ATP6V1E2: variants seen among roughly 807,000 people sequenced by gnomAD.
ATP6V1E2 encodes the protein ATPase H+ transporting V1 subunit E2, also known as V-type proton ATPase subunit E 2.
For missense variants in ATP6V1E2, 308 were observed against 273.3 expected (o/e 1.13, Z -0.90); for synonymous variants, 121 against 104.2 (o/e 1.16, Z -0.98).
intron 4 of ATP6V1E2, among the ~76,000 whole-genome samples, chr2:46,528,425 G>A (rs1360898514): frequency 6.6e-6 from 1 of 152,254 alleles, no homozygotes; most frequent in Non-Finnish European, 1.5e-5. Context: ...GGTGGTGGTA[G>A]TGATCTGAGA....
chr2:46,521,988 C>T (rs1666655476), intron 4 of ATP6V1E2, among the ~76,000 whole-genome samples: 1 of 152,168 alleles, frequency 6.6e-6, no homozygotes, highest in Non-Finnish European at 1.5e-5. Context: ...CTGCGCCAGG[C>T]CCTGTCTTTC....
At chr2:46,522,968 T>G (rs777461637) in intron 4 of ATP6V1E2, among the ~76,000 whole-genome samples, 5 of 152,262 alleles carry the variant, frequency 3.3e-5, no homozygotes, top group Non-Finnish European at 7.3e-5. Flanking sequence ...ATTGTGGTTT[T>G]GATTTGCATT....
intron 4 of ATP6V1E2, among the ~76,000 whole-genome samples, chr2:46,533,502 C>T (rs909372091): frequency 1.3e-5 from 2 of 152,052 alleles, no homozygotes; most frequent in African/African-American, 4.8e-5. Flanking sequence ...TTAAACTCTC[C>T]AGCTCAAGCA....
chr2:46,537,697 C>T (rs767379332), intron 2 of ATP6V1E2: 1 of 152,116 alleles, frequency 6.6e-6, no homozygotes, highest in Non-Finnish European at 1.5e-5. Context: ...GAAGCTGGTT[C>T]GAGTTGAATT....
At chr2:46,529,094 C>A (rs1667062282) in intron 4 of ATP6V1E2, among the ~76,000 whole-genome samples, 3 of 152,208 alleles carry the variant, frequency 2.0e-5, no homozygotes, top group Non-Finnish European at 4.4e-5. Context: ...CAGCTGGCTG[C>A]CCAAGCCTCC....
chr2:46,539,095 A>G (rs1295126906), intron 2 of ATP6V1E2, among the ~76,000 whole-genome samples: 2 of 91,262 alleles, frequency 2.2e-5, no homozygotes, highest in East Asian at 4.3e-4. Flanking sequence ...CCAAGATTAC[A>G]GAGATTACAT....
intron 4 of ATP6V1E2, among the ~76,000 whole-genome samples, chr2:46,527,459 G>C (rs1404653907): frequency 6.6e-6 from 1 of 152,184 alleles, no homozygotes; most frequent in Admixed American, 6.5e-5. Context: ...CTGACCTCGT[G>C]ATCTGCCCAC....
chr2:46,539,661 C>T (rs758548529), intron 2 of ATP6V1E2, among the ~76,000 whole-genome samples: 2 of 152,226 alleles, frequency 1.3e-5, no homozygotes, highest in African/African-American at 2.4e-5. Flanking sequence ...AACCAGTTCC[C>T]CAGCACCACT....
intron 4 of ATP6V1E2, chr2:46,528,005 C>T (rs570282207): frequency 1.1e-4 from 17 of 152,182 alleles, no homozygotes; most frequent in African/African-American, 4.1e-4. Context: ...AAGTGTGAAC[C>T]GTGACCGTTT....
chr2:46,517,052 G>C (rs1026125620), intron 4 of ATP6V1E2, among the ~76,000 whole-genome samples: 2 of 152,074 alleles, frequency 1.3e-5, no homozygotes, highest in African/African-American at 4.8e-5. Flanking sequence ...GAACAACAAA[G>C]CTAAAGGTCT....
intron 2 of ATP6V1E2, among the ~76,000 whole-genome samples, chr2:46,539,277 A>G (rs1440425313): frequency 1.3e-5 from 2 of 152,198 alleles, no homozygotes; most frequent in Admixed American, 1.3e-4. Flanking sequence ...TGCTCTAGAA[A>G]TTTGTGTTTA....
intron 4 of ATP6V1E2, among the ~76,000 whole-genome samples, chr2:46,528,343 C>T (rs1422626880): frequency 6.6e-6 from 1 of 152,238 alleles, no homozygotes; most frequent in Non-Finnish European, 1.5e-5. Context: ...CTTGGAAGGT[C>T]TCATGTACCC....
At chr2:46,518,427 T>G (rs1287922826) in intron 4 of ATP6V1E2, among the ~76,000 whole-genome samples, 1 of 150,804 alleles carries the variant, frequency 6.6e-6, no homozygotes, top group African/African-American at 2.4e-5. Context: ...TGCTGTACAG[T>G]AACGTACATA....
At chr2:46,537,908 G>T (rs538210403) in intron 2 of ATP6V1E2, among the ~76,000 whole-genome samples, 1 of 152,176 alleles carries the variant, frequency 6.6e-6, no homozygotes, top group East Asian at 1.9e-4. Context: ...ATCGGAGATG[G>T]AAAGGCTCAA....
chr2:46,528,535 C>T (rs1667036021), intron 4 of ATP6V1E2, among the ~76,000 whole-genome samples: 1 of 152,204 alleles, frequency 6.6e-6, no homozygotes, highest in African/African-American at 2.4e-5. Flanking sequence ...GTGACTCCTC[C>T]AGGGCAGGAC....
Position 46,512,563 on chromosome 2 carries a change from C to T in ATP6V1E2, c.149G>A (p.Arg50Gln), listed in dbSNP as rs778583536. 7.4e-6 allele frequency: 12 copies of T among 1,614,046 alleles called. No homozygotes were observed. Among genetic ancestry groups the T allele is most frequent in the East Asian group, 2.2e-5 (1 of 44,904 alleles). The part of the protein sequence containing the change: ...IEKGRLVQTQ[R>Q]LKIMEYYEKK... ...CTCATAATACTCCATAATCTTCAGT[C>T]GTTGGGTTTGCACGAGGCGTCCTTT... Residue 50 changes from arginine to glutamine, a missense_variant, in exon 5 of 5, where the codon CGA (arginine) becomes CAA (glutamine). Arg to Gln is a conservative substitution (Grantham distance 43). Coordinates refer to ENST00000522587, the MANE Select transcript of ATP6V1E2 (RefSeq NM_001318063.2).
Position 46,528,001 on chromosome 2 carries a change from G to C in ATP6V1E2, c.-102+7812C>G, listed in dbSNP as rs540360252. ...ACCTGCATTGGGTGTCTCCAAGTGT[G>C]AACCGTGACCGTTTGGTGGACTATG... On this transcript the variant is annotated intron_variant, in intron 4 of 4. Transcript: ENST00000522587. 6 of 152,296 alleles carry C rather than the reference G, an allele frequency of 3.9e-5. No homozygotes were observed. In the South Asian group the frequency reaches 6.2e-4, roughly 16 times the overall value. The allele number at this position is 152,296 out of a possible 1,614,324, so 9.4% of individuals were successfully genotyped here.
chr2:46,518,758 TTGTGTGTGTGTGTG>T (rs70940621), intron 4 of ATP6V1E2, among the ~76,000 whole-genome samples: 135 of 140,716 alleles, frequency 9.6e-4, no homozygotes, highest in African/African-American at 2.8e-3. Context: ...CAAGTCAATT[TTGTGTGTGTGTGTG>T]TGTGTGTGTG....
rs181932263 is a variant in ATP6V1E2 at position 46,538,037 on chromosome 2, T to C, written c.-309-1334A>G. The stretch of plus-strand genomic sequence containing the variant: ...CCTCAGAGTTATCGTAAAAACCTTG[T>C]TCTCTCTCGCCTCCTCTGTCATCCC... On this transcript the variant is annotated intron_variant, in intron 2 of 4. Transcript: ENST00000522587. 2.3e-4 allele frequency among the ~76,000 whole-genome samples: 35 copies of C among 152,212 alleles called. No homozygotes were observed. In the East Asian group the frequency reaches 6.4e-3, roughly 28 times the overall value.
Sources: allele counts gnomAD v4.1 joint callset (sites outside exome capture counted in the v4.1 genomes callset), GRCh38; gene constraint gnomAD v4.1.1; transcripts MANE v1.5; gene names NCBI Gene and HGNC (gene_info 2026-07-23, HGNC 2026-07-21).